The following ITGB3BP variants were observed in gnomAD, a reference collection of about 807,000 sequenced individuals.
ITGB3BP encodes centromere protein R.
ITGB3BP carries 27 observed loss-of-function variants against 29.1 expected under a neutral mutation model. The observed-to-expected ratio is 0.93, with a 90% confidence interval of 0.68 to 1.28. ITGB3BP has a LOEUF of 1.28. Ranked by LOEUF, ITGB3BP falls within the 50% of genes most tolerant of loss-of-function variation. The probability of loss-of-function intolerance (pLI) is 0.00; values close to 1 mark genes in which losing one functional copy is unlikely to be tolerated. For missense variants in ITGB3BP, 192 were observed against 200.2 expected, an observed-to-expected ratio of 0.96 and a Z score of 0.25; for synonymous variants, 61 against 61.4, an observed-to-expected ratio of 0.99 and a Z score of 0.03.
chr1:63,473,568 G>A (rs769337444), intron 4 of ITGB3BP, among the ~76,000 whole-genome samples: 2 of 126,100 alleles, frequency 1.6e-5, no homozygotes, highest in African/African-American at 2.9e-5. Context: ...TGGGAGGGGG[G>A]AGGGGGGGTC....
chr1:63,443,717 C>T (rs1419565267), intron 8 of ITGB3BP, among the ~76,000 whole-genome samples: 1 of 151,992 alleles, frequency 6.6e-6, no homozygotes, highest in East Asian at 1.9e-4. Flanking sequence ...TAAACTGGTA[C>T]AGTGGGTGTG....
At chr1:63,459,031 T>C (rs954519541) in intron 4 of ITGB3BP, among the ~76,000 whole-genome samples, 1 of 152,086 alleles carries the variant, frequency 6.6e-6, no homozygotes, top group Non-Finnish European at 1.5e-5. Context: ...ACCCTGGATG[T>C]CCCTATTTGT....
intron 1 of ITGB3BP, among the ~76,000 whole-genome samples, chr1:63,521,046 T>C (rs906614058): frequency 3.3e-5 from 5 of 152,144 alleles, no homozygotes; most frequent in African/African-American, 9.7e-5. Flanking sequence ...CAACTACTCA[T>C]TGTTGTATTG....
intron 3 of ITGB3BP, among the ~76,000 whole-genome samples, chr1:63,480,632 CA>C (rs201914808): frequency 6.6e-6 from 1 of 150,768 alleles, no homozygotes; most frequent in East Asian, 1.9e-4. Flanking sequence ...ATGTCTTCCT[CA>C]AAAAAAACAA....
At chr1:63,468,140 G>C (rs1344989597) in intron 4 of ITGB3BP, among the ~76,000 whole-genome samples, 2 of 152,146 alleles carry the variant, frequency 1.3e-5, no homozygotes, top group Non-Finnish European at 2.9e-5. Flanking sequence ...ATGGCTGCCA[G>C]TATCATCTTT....
intron 3 of ITGB3BP, among the ~76,000 whole-genome samples, chr1:63,482,740 G>A (rs765422116): frequency 2.1e-5 from 3 of 143,028 alleles, no homozygotes; most frequent in Non-Finnish European, 4.5e-5. Flanking sequence ...TGCAACCTCC[G>A]CCTCCCGGGT....
intron 8 of ITGB3BP, chr1:63,442,767 T>C (rs979962747): frequency 1.3e-5 from 2 of 152,212 alleles, no homozygotes; most frequent in African/African-American, 4.8e-5. Flanking sequence ...TCTGAACTTG[T>C]ATCATTTATC....
At chr1:63,488,294 T>C (rs1042811975) in intron 3 of ITGB3BP, among the ~76,000 whole-genome samples, 17 of 151,776 alleles carry the variant, frequency 1.1e-4, no homozygotes, top group African/African-American at 3.6e-4. Context: ...GTGGCTAAAG[T>C]AGTGTAAAAA....
chr1:63,471,417 A>AT (rs201278252), intron 4 of ITGB3BP, among the ~76,000 whole-genome samples: 1,885 of 151,686 alleles, frequency 0.012, 31 homozygotes, highest in African/African-American at 0.043. Flanking sequence ...ATGCCTGGCT[A>AT]TTTTTTTATA....
chr1:63,489,615 AAAG>A (rs1645603267), intron 3 of ITGB3BP, among the ~76,000 whole-genome samples: 1 of 152,064 alleles, frequency 6.6e-6, no homozygotes, highest in South Asian at 2.1e-4. Context: ...TAGTCAAGAA[AAAG>A]AAGGGAATGA....
At chr1:63,526,711 ATT>A (rs1231952723), upstream of ITGB3BP, among the ~76,000 whole-genome samples, 2 of 152,242 alleles carry the variant, frequency 1.3e-5, no homozygotes, top group Non-Finnish European at 2.9e-5. Flanking sequence ...TCTATTTTGA[ATT>A]TTAAGTATTT....
chr1:63,490,235 A>AT lies in ITGB3BP; in HGVS notation c.49-18dup. ...ATCAAATGACTGGAAATAAATAATAATTAAGGACAGAAATAGCTATGTTTA... is the reference window on the plus strand; with the variant it reads ...ATCAAATGACTGGAAATAAATAATAATTTAAGGACAGAAATAGCTATGTTTA... On this transcript the variant is annotated splice_polypyrimidine_tract_variant and intron_variant, in intron 2 of 8. Coordinates refer to ENST00000271002, the MANE Select transcript of ITGB3BP (RefSeq NM_014288.5). 6.6e-7 allele frequency: 1 copy of AT among 1,508,366 alleles called. No homozygotes were observed. The highest frequency in any genetic ancestry group is 9.1e-7 in the Non-Finnish European group (1 of 1,094,842). 93.4% of individuals were successfully genotyped at this position (1,508,366 alleles called of 1,614,324 possible).
chr1:63,479,877 G>A (rs1645407814), intron 3 of ITGB3BP, among the ~76,000 whole-genome samples: 1 of 152,090 alleles, frequency 6.6e-6, no homozygotes, highest in African/African-American at 2.4e-5. Context: ...CAGTATCTAA[G>A]CTATTGTGAA....
At chr1:63,476,759 T>C (rs1038900137) in intron 4 of ITGB3BP, among the ~76,000 whole-genome samples, 2 of 152,242 alleles carry the variant, frequency 1.3e-5, no homozygotes, top group African/African-American at 4.8e-5. Flanking sequence ...ACATTTTATA[T>C]AACTGCACCA....
chr1:63,528,781 T>C lies in ITGB3BP; in HGVS notation n.253+350A>G, dbSNP rs1270441518. On this transcript the variant is annotated intron_variant and non_coding_transcript_variant, in intron 2 of 4. Coordinates refer to the ITGB3BP transcript ENST00000478138. ...AAATTTTGCAGGAAATTTTATATAATATTCATTGTCATAAAAATAATTTAG... is the reference window on the plus strand; with the variant it reads ...AAATTTTGCAGGAAATTTTATATAACATTCATTGTCATAAAAATAATTTAG... Among the ~76,000 whole-genome samples the C allele has an allele frequency of 3.3e-5, 5 of 152,196 alleles. No homozygotes were observed. In the East Asian group the frequency reaches 7.7e-4, roughly 23 times the overall value.
At chr1:63,451,532 A>ATG (rs61315517) in intron 7 of ITGB3BP, among the ~76,000 whole-genome samples, 150,547 of 152,120 alleles carry the variant, frequency 0.99, 74,513 homozygotes, top group Middle Eastern at 1. Flanking sequence ...CTTAAAATGA[A>ATG]TATGAGCAGA....
At chr1:63,508,605 G>C in intron 1 of ITGB3BP, 35 bp from the exon 2 acceptor site, 1 of 986,486 alleles carries the variant, frequency 1.0e-6, no homozygotes, top group Non-Finnish European at 1.5e-6. Flanking sequence ...TTTTAGATTT[G>C]ACACGCTTTA....
chr1:63,525,319 A>G (rs1339847857), upstream of ITGB3BP, among the ~76,000 whole-genome samples: 1 of 152,180 alleles, frequency 6.6e-6, no homozygotes, highest in South Asian at 2.1e-4. Flanking sequence ...ATACATATGT[A>G]TATATCTAAA....
intron 2 of ITGB3BP, among the ~76,000 whole-genome samples, chr1:63,500,988 A>G (rs1645914958): frequency 6.6e-6 from 1 of 152,232 alleles, no homozygotes; most frequent in South Asian, 2.1e-4. Flanking sequence ...TTATCTGGGA[A>G]TTCTGAAATA....
Sources: allele counts gnomAD v4.1 joint callset (sites outside exome capture counted in the v4.1 genomes callset), GRCh38; gene constraint gnomAD v4.1.1; transcripts MANE v1.5; gene names NCBI Gene and HGNC (gene_info 2026-07-23, HGNC 2026-07-21).